Variants in ZNRF3 observed in about 807,000 individuals in gnomAD.
ZNRF3 encodes zinc and ring finger 3, also known as E3 ubiquitin-protein ligase ZNRF3.
Under a neutral mutation model 72.5 loss-of-function variants are expected in ZNRF3, and 23 were observed. That is an observed-to-expected ratio of 0.32 (90% CI 0.23 to 0.45). ZNRF3 has a LOEUF of 0.45. Among genes scored for constraint, ZNRF3 ranks in the 20% least tolerant of loss-of-function variants. ZNRF3 has a pLI of 1.00. For missense variants in ZNRF3, 1,169 were observed against 1,272.1 expected (o/e 0.92, Z 1.23); for synonymous variants, 610 against 545.3 (o/e 1.12, Z -1.65).
intron 2 of ZNRF3, among the ~76,000 whole-genome samples, chr22:29,035,640 A>T (rs1171872345): frequency 6.6e-6 from 1 of 152,122 alleles, no homozygotes; most frequent in Non-Finnish European, 1.5e-5. Context: ...CAGTGGCGTG[A>T]TCTTGGCTCA....
intron 1 of ZNRF3, among the ~76,000 whole-genome samples, chr22:28,911,847 C>G (rs2034325066): frequency 6.6e-6 from 1 of 152,040 alleles, no homozygotes; most frequent in Non-Finnish European, 1.5e-5. Flanking sequence ...TGAACATGGT[C>G]CTTTAGGATT....
intron 1 of ZNRF3, among the ~76,000 whole-genome samples, chr22:28,985,945 A>G (rs1263924073): frequency 2.0e-5 from 3 of 152,158 alleles, no homozygotes; most frequent in East Asian, 1.9e-4. Context: ...TCTAGAGGCC[A>G]TCGTCATTTC....
intron 8 of ZNRF3, among the ~76,000 whole-genome samples, chr22:29,051,591 GAGA>G (rs1425253417): frequency 7.1e-6 from 1 of 141,584 alleles, no homozygotes; most frequent in East Asian, 2.1e-4. Flanking sequence ...GTGACAGAGC[GAGA>G]CTCTGTCTTA....
At chr22:29,024,284 G>GT (rs59532780) in intron 2 of ZNRF3, among the ~76,000 whole-genome samples, 5,995 of 127,728 alleles carry the variant, frequency 0.047, 331 homozygotes, top group African/African-American at 0.12. Flanking sequence ...GGCATTAACT[G>GT]TTTTTTTTTT....
chr22:28,915,580 G>A (rs537956797), intron 1 of ZNRF3, among the ~76,000 whole-genome samples: 15 of 152,218 alleles, frequency 9.9e-5, no homozygotes, highest in Non-Finnish European at 1.8e-4. Context: ...AGTTCTTTCC[G>A]TTCTTTATAT....
At chr22:28,978,957 G>GT (rs199662105) in intron 1 of ZNRF3, among the ~76,000 whole-genome samples, 4 of 151,714 alleles carry the variant, frequency 2.6e-5, no homozygotes, top group South Asian at 2.1e-4. Flanking sequence ...GTAAGTTTTT[G>GT]TTTTTTTTCT....
rs1424328961 is a variant in ZNRF3, at chr22:29,055,166, CT to C, written c.*1550del. The C allele has an allele frequency of 6.6e-6, 1 of 152,588 alleles. No homozygotes were observed. Among genetic ancestry groups the C allele is most frequent in the Non-Finnish European group, 1.5e-5 (1 of 68,042 alleles). The allele number at this position is 152,588 out of a possible 1,614,324, so 9.5% of individuals were successfully genotyped here. A position where few individuals can be genotyped will look rare whatever the true frequency, so the allele number is the denominator to read the frequency against. On this transcript the variant is annotated 3_prime_UTR_variant, in exon 9 of 9. Coordinates refer to ENST00000544604, the MANE Select transcript of ZNRF3 (RefSeq NM_001206998.2). ...CTATTTCAGATCAGGGATTGTCATCCTTTTTTGTCCAATGTATTCCTTGTTC... is the reference window on the plus strand; with the variant it reads ...CTATTTCAGATCAGGGATTGTCATCCTTTTTGTCCAATGTATTCCTTGTTC...
intron 1 of ZNRF3, chr22:28,917,324 C>T (rs2034426618): frequency 1.6e-6 from 1 of 608,128 alleles, no homozygotes; most frequent in Non-Finnish European, 2.1e-6. Flanking sequence ...TATGTGTGCT[C>T]TTGAGAGAAG....
chr22:28,888,481 AG>A, intron 1 of ZNRF3, among the ~76,000 whole-genome samples: 1 of 152,316 alleles, frequency 6.6e-6, no homozygotes, highest in East Asian at 1.9e-4. Context: ...CATTTGATTC[AG>A]GGGGAAAACT....
At position 28,991,243 on chromosome 22, in the gene ZNRF3, C is replaced by T. The variant is rs1459310311; in HGVS notation, c.426+4042C>T. On this transcript the variant is annotated intron_variant, in intron 2 of 8. Coordinates refer to ENST00000544604, the MANE Select transcript of ZNRF3 (RefSeq NM_001206998.2). The stretch of plus-strand genomic sequence containing the variant: ...GCTGCAGCGAGCTGAGATTGTGCCA[C>T]TGCCCTCCAGCCTGGCCAACAGAGA... 3.2e-5 allele frequency among the ~76,000 whole-genome samples: 4 copies of T among 126,918 alleles called. No homozygotes were observed. The Admixed American group carries it at 3.9e-4, about 12-fold the overall frequency. The allele number at this position is 126,918 out of a possible 152,430, so 83.3% of individuals were successfully genotyped here.
At chr22:28,903,660 T>A (rs901656593) in intron 1 of ZNRF3, among the ~76,000 whole-genome samples, 2 of 152,114 alleles carry the variant, frequency 1.3e-5, no homozygotes, top group Non-Finnish European at 2.9e-5. Flanking sequence ...CATCACTGCC[T>A]ACCTCCTCCT....
chr22:28,927,698 C>G (rs1422796579), intron 1 of ZNRF3, among the ~76,000 whole-genome samples: 1 of 152,228 alleles, frequency 6.6e-6, no homozygotes, highest in Non-Finnish European at 1.5e-5. Flanking sequence ...ATTCTTAGAA[C>G]AGACTAGATT....
rs943507617 is a variant in ZNRF3 at position 29,007,752 on chromosome 22, C to CTTTTTTTTT, written c.426+20565_426+20573dup. Reference sequence around the variant, plus strand: ...CCTTTCATAGAAATTCCATTTCTTCCTTTTTTTTTTTTTTTTTTTTTTGAG... The same window carrying CTTTTTTTTT: ...CCTTTCATAGAAATTCCATTTCTTCCTTTTTTTTTTTTTTTTTTTTTTTTTTTTTTTGAG... On this transcript the variant is annotated intron_variant, in intron 2 of 8. Transcript: ENST00000544604. Among the ~76,000 whole-genome samples the CTTTTTTTTT allele has an allele frequency of 6.2e-4, 27 of 43,682 alleles. 2 individuals are homozygous for CTTTTTTTTT. Among genetic ancestry groups the CTTTTTTTTT allele is most frequent in the South Asian group, 6.5e-4 (1 of 1,530 alleles). The allele number at this position is 43,682 out of a possible 152,430, so 28.7% of individuals were successfully genotyped here.
intron 2 of ZNRF3, among the ~76,000 whole-genome samples, chr22:29,004,017 T>C (rs920543041): frequency 2.0e-5 from 3 of 152,250 alleles, no homozygotes; most frequent in African/African-American, 7.2e-5. Context: ...GTAAATATTT[T>C]GGCAACCCAA....
At chr22:28,931,863 T>C (rs550275609) in intron 1 of ZNRF3, among the ~76,000 whole-genome samples, 1 of 152,142 alleles carries the variant, frequency 6.6e-6, no homozygotes, top group Non-Finnish European at 1.5e-5. Flanking sequence ...AATATGTGAG[T>C]AATAGCTAAA....
chr22:29,010,832 A>C (rs575013214), intron 2 of ZNRF3, among the ~76,000 whole-genome samples: 2 of 152,004 alleles, frequency 1.3e-5, no homozygotes, highest in Non-Finnish European at 2.9e-5. Context: ...ACCATGCCCA[A>C]CTAATTTTTC....
chr22:28,887,294 T>TA (rs1184239757), intron 1 of ZNRF3, among the ~76,000 whole-genome samples: 1 of 151,742 alleles, frequency 6.6e-6, no homozygotes, highest in Non-Finnish European at 1.5e-5. Flanking sequence ...GTATAGTAGA[T>TA]ACCTTATCAT....
At chr22:28,996,457 G>A (rs1390009996) in intron 2 of ZNRF3, among the ~76,000 whole-genome samples, 1 of 152,130 alleles carries the variant, frequency 6.6e-6, no homozygotes, top group African/African-American at 2.4e-5. Flanking sequence ...AGAAGTTCTT[G>A]GGGTTCTTAA....
chr22:29,035,340 T>C (rs2036848249), intron 2 of ZNRF3, among the ~76,000 whole-genome samples: 1 of 152,228 alleles, frequency 6.6e-6, no homozygotes, highest in Admixed American at 6.5e-5. Flanking sequence ...TACAAGGATA[T>C]GAATACAGCA....
Sources: gnomAD v4.1 joint callset for allele counts (sites outside exome capture counted in the v4.1 genomes callset) on GRCh38, gnomAD v4.1.1 for gene constraint, MANE v1.5 for transcripts, NCBI Gene and HGNC (gene_info 2026-07-23, HGNC 2026-07-21) for gene names.